Variants in CD47 observed in about 807,000 individuals in gnomAD.
The protein encoded by CD47 is CD47 molecule.
CD47 carries 11 observed loss-of-function variants against 44.6 expected under a neutral mutation model. The ratio of observed to expected loss-of-function variants is 0.25; its 90% confidence interval spans 0.16 to 0.41. The LOEUF (loss-of-function observed/expected upper bound fraction) is 0.41. Among genes scored for constraint, CD47 ranks in the 10% least tolerant of loss-of-function variants. The pLI is 1.00. For missense variants in CD47, 306 were observed against 386.7 expected (o/e 0.79, Z 1.75); for synonymous variants, 140 against 136.3 (o/e 1.03, Z -0.19).
At chr3:108,067,883 C>A (rs1166627671) in intron 3 of CD47, among the ~76,000 whole-genome samples, 2 of 152,232 alleles carry the variant, frequency 1.3e-5, no homozygotes, top group African/African-American at 4.8e-5. Flanking sequence ...AGATACAGCT[C>A]TGGTATAAAG....
chr3:108,055,500 A>G, intron 7 of CD47: 1 of 1,277,504 alleles, frequency 7.8e-7, no homozygotes, highest in South Asian at 1.2e-5. Context: ...CATGTTATCT[A>G]AAGAGCAACT....
chr3:108,074,692 C>A (rs574942878), intron 2 of CD47, among the ~76,000 whole-genome samples: 1 of 84,632 alleles, frequency 1.2e-5, no homozygotes, highest in Admixed American at 1.8e-4. Flanking sequence ...TTAAATTGTT[C>A]CCTGATATGT....
At chr3:108,056,431 A>G (rs2078914473) in intron 7 of CD47, among the ~76,000 whole-genome samples, 1 of 152,244 alleles carries the variant, frequency 6.6e-6, no homozygotes, top group South Asian at 2.1e-4. Context: ...ACCAAAGTTC[A>G]GAAATAAAGG....
chr3:108,070,133 CATAG>C (rs1029634108), intron 3 of CD47, among the ~76,000 whole-genome samples: 3 of 152,070 alleles, frequency 2.0e-5, no homozygotes, highest in African/African-American at 7.2e-5. Context: ...TATACACCAC[CATAG>C]ATATAGACAG....
intron 1 of CD47, among the ~76,000 whole-genome samples, chr3:108,083,611 G>A (rs2108270351): frequency 6.6e-6 from 1 of 152,080 alleles, no homozygotes; most frequent in African/African-American, 2.4e-5. Flanking sequence ...AGAGTAATTG[G>A]TCTTACAGAT....
intron 2 of CD47, among the ~76,000 whole-genome samples, chr3:108,073,040 G>A (rs953006628): frequency 1.5e-5 from 2 of 137,036 alleles, no homozygotes; most frequent in African/African-American, 2.8e-5. Context: ...CATTTCAGTC[G>A]TGGTGACCCC....
intron 4 of CD47, 50 bp from the exon 5 acceptor site, chr3:108,059,594 T>C (rs750250933): frequency 1.1e-6 from 1 of 913,358 alleles, no homozygotes; most frequent in South Asian, 1.9e-5. Flanking sequence ...ACTTTTTAAA[T>C]GTACTAATCT....
chr3:108,080,571 A>G (rs2079398396), intron 1 of CD47, among the ~76,000 whole-genome samples: 2 of 152,092 alleles, frequency 1.3e-5, no homozygotes, highest in Non-Finnish European at 2.9e-5. Flanking sequence ...ATTCATTCTC[A>G]ATAATACAAA....
chr3:108,070,834 C>T (rs570594311), intron 3 of CD47, among the ~76,000 whole-genome samples: 1 of 152,108 alleles, frequency 6.6e-6, no homozygotes, highest in East Asian at 1.9e-4. Flanking sequence ...GGTGTTGGTA[C>T]TAATATTCCT....
intron 7 of CD47, among the ~76,000 whole-genome samples, chr3:108,056,711 A>C (rs1281044498): frequency 6.6e-6 from 1 of 152,190 alleles, no homozygotes; most frequent in African/African-American, 2.4e-5. Flanking sequence ...TAGGTAAGAT[A>C]ACATTAGTTT....
chr3:108,047,047 C>CA lies in CD47; in HGVS notation c.*240dup, dbSNP rs2078731901. On this transcript the variant is annotated 3_prime_UTR_variant, in exon 11 of 11. Coordinates refer to ENST00000361309, the MANE Select transcript of CD47 (RefSeq NM_001777.4). ...GCCCCTAATTGATTAAAAATAACAA[C>CA]AAAAAACTGGATCTCAATTGGGCAA... 2.4e-6 allele frequency: 1 copy of CA among 424,236 alleles called. No homozygotes were observed. Among genetic ancestry groups the CA allele is most frequent in the Non-Finnish European group, 4.2e-6 (1 of 239,540 alleles). The allele number at this position is 424,236 out of a possible 1,614,324, so 26.3% of individuals were successfully genotyped here.
chr3:108,065,933 A>T (rs1381529310), intron 3 of CD47, among the ~76,000 whole-genome samples: 1 of 150,656 alleles, frequency 6.6e-6, no homozygotes, highest in African/African-American at 2.4e-5. Flanking sequence ...TATTTATTGT[A>T]TATTTTACTT....
At chr3:108,053,903 A>T (rs569239506) in intron 7 of CD47, 1 of 152,362 alleles carries the variant, frequency 6.6e-6, no homozygotes, top group Non-Finnish European at 1.5e-5. Context: ...GCAGAAATAC[A>T]GAGCTTTATT....
At chr3:108,053,063 A>C (rs2078857502) in intron 7 of CD47, 6 of 152,332 alleles carry the variant, frequency 3.9e-5, no homozygotes. Flanking sequence ...ACCACTCAGC[A>C]GGAGGGGGAT....
chr3:108,062,277 G>A (rs1559997723), intron 3 of CD47, among the ~76,000 whole-genome samples: 3 of 152,116 alleles, frequency 2.0e-5, no homozygotes, highest in Admixed American at 6.5e-5. Context: ...AAGGCACAGA[G>A]TTTTCATAAC....
At chr3:108,085,950 T>G (rs1402028308) in intron 1 of CD47, among the ~76,000 whole-genome samples, 1 of 152,098 alleles carries the variant, frequency 6.6e-6, no homozygotes, top group Non-Finnish European at 1.5e-5. Flanking sequence ...TATGGTTGGA[T>G]AGAAAAGTTC....
At chr3:108,084,294 C>A (rs189546595) in intron 1 of CD47, among the ~76,000 whole-genome samples, 1 of 152,010 alleles carries the variant, frequency 6.6e-6, no homozygotes, top group East Asian at 1.9e-4. Context: ...TCTGTCTTGA[C>A]TTTTCCACAG....
intron 6 of CD47, 102 bp downstream of exon 6, chr3:108,058,235 T>G: frequency 1.6e-6 from 1 of 623,950 alleles, no homozygotes. Context: ...AAAAAAAAAA[T>G]CAAGTCTATA....
At chr3:108,057,939 A>G (rs551683413) in intron 6 of CD47, among the ~76,000 whole-genome samples, 4 of 152,302 alleles carry the variant, frequency 2.6e-5, no homozygotes, top group African/African-American at 9.6e-5. Flanking sequence ...GGAAAGCACT[A>G]TTACCACTGG....
Sources: allele counts gnomAD v4.1 joint callset (sites outside exome capture counted in the v4.1 genomes callset), GRCh38; gene constraint gnomAD v4.1.1; transcripts MANE v1.5; gene names NCBI Gene and HGNC (gene_info 2026-07-23, HGNC 2026-07-21).